The following HYAL4 variants were observed in gnomAD, a reference collection of about 807,000 sequenced individuals.
HYAL4 encodes the protein hyaluronidase 4, also known as hyaluronidase-4.
A neutral mutation model predicts 35.2 loss-of-function variants in HYAL4; 37 were observed. That is an observed-to-expected ratio of 1.05 (90% confidence interval 0.81 to 1.38). The LOEUF (loss-of-function observed/expected upper bound fraction) is 1.38, where lower values mean the gene tolerates loss of function less well. Among genes scored for constraint, HYAL4 ranks in the 40% most tolerant of loss-of-function variants. The probability of loss-of-function intolerance (pLI) is 0.00; values close to 1 mark genes in which losing one functional copy is unlikely to be tolerated. For missense variants in HYAL4, 572 were observed against 572.4 expected (o/e 1.00, Z 0.01); for synonymous variants, 198 against 203.2 (o/e 0.97, Z 0.22).
Position 123,868,704 on chromosome 7 carries a change from T to C in HYAL4, c.431T>C (p.Ile144Thr), listed in dbSNP as rs747022640. 34 of 1,613,708 alleles carry C rather than the reference T, an allele frequency of 2.1e-5. No homozygotes were observed. The Middle Eastern group carries it at 8.2e-4, about 39-fold the overall frequency. ...PAEDFSGLAV[I>T]DWEYWRPQWA... ...GAAGATTTCAGTGGACTTGCTGTTA[T>C]AGATTGGGAATATTGGCGACCACAG... Residue 144 changes from isoleucine to threonine, a missense_variant, in exon 3 of 5, where the codon ATA becomes ACA. Ile to Thr is a moderately conservative substitution (Grantham distance 89). Coordinates refer to ENST00000223026, the MANE Select transcript of HYAL4 (RefSeq NM_012269.3).
intron 3 of HYAL4, among the ~76,000 whole-genome samples, chr7:123,871,344 G>A (rs1003543324): frequency 6.6e-5 from 10 of 151,762 alleles, no homozygotes; most frequent in African/African-American, 1.2e-4. Context: ...TGCATGCGCC[G>A]CCATGCCCAG....
At chr7:123,805,579 A>G in the HYAL4 span, among the ~76,000 whole-genome samples, 5 of 152,192 alleles carry the variant, frequency 3.3e-5, no homozygotes, top group African/African-American at 1.2e-4. Flanking sequence ...GTCCCAGAAC[A>G]ACTACTAACA....
intron 2 of HYAL4, among the ~76,000 whole-genome samples, chr7:123,849,080 A>G (rs1001125786): frequency 6.6e-6 from 1 of 152,228 alleles, no homozygotes; most frequent in African/African-American, 2.4e-5. Context: ...TAAATCTTAA[A>G]TCATTCAACC....
At chr7:123,816,053 A>G in the HYAL4 span, among the ~76,000 whole-genome samples, 2 of 152,184 alleles carry the variant, frequency 1.3e-5, no homozygotes, top group African/African-American at 4.8e-5. Context: ...GAAGAATCTC[A>G]TGGGCACTAA....
chr7:123,860,603 T>C (rs866831576), intron 2 of HYAL4, among the ~76,000 whole-genome samples: 4 of 152,216 alleles, frequency 2.6e-5, no homozygotes, highest in African/African-American at 9.6e-5. Flanking sequence ...AGCATTCCAC[T>C]GTATACGAGG....
the HYAL4 span, among the ~76,000 whole-genome samples, chr7:123,773,143 G>A: frequency 2.6e-5 from 4 of 151,982 alleles, no homozygotes; most frequent in South Asian, 6.2e-4. Flanking sequence ...ATTCTTATTC[G>A]CACTTCGTTT....
chr7:123,816,131 A>G, the HYAL4 span, among the ~76,000 whole-genome samples: 26 of 152,290 alleles, frequency 1.7e-4, no homozygotes, highest in Middle Eastern at 0.01. Context: ...CACTTCTTAT[A>G]TTAGAAGGGA....
intron 1 of HYAL4, among the ~76,000 whole-genome samples, chr7:123,846,949 A>G (rs1456999385): frequency 6.6e-6 from 1 of 152,110 alleles, no homozygotes; most frequent in East Asian, 1.9e-4. Flanking sequence ...GGGGCAGACA[A>G]TCTCCATTTC....
chr7:123,865,697 T>G (rs989351915), intron 2 of HYAL4, among the ~76,000 whole-genome samples: 5 of 152,188 alleles, frequency 3.3e-5, no homozygotes, highest in African/African-American at 4.8e-5. Flanking sequence ...TACCATGAGG[T>G]TTGGCTGGTG....
At position 123,868,665 on chromosome 7, in the gene HYAL4, A is replaced by G. The variant is rs772656260; in HGVS notation, c.392A>G (p.Tyr131Cys). Reference sequence around the variant, plus strand: ...GAAAAAGCTGACCAAGATATTAATTATTACATCCCTGCTGAAGATTTCAGT... The same window carrying G: ...GAAAAAGCTGACCAAGATATTAATTGTTACATCCCTGCTGAAGATTTCAGT... ...HLEKADQDIN[Y>C]YIPAEDFSGL... The change falls in exon 3 of 5, where the codon TAT (tyrosine) becomes TGT (cysteine). Residue 131 changes from tyrosine (Y) to cysteine (C), a missense_variant. Tyr to Cys is a radical substitution (Grantham distance 194). Coordinates refer to ENST00000223026, the MANE Select transcript of HYAL4 (RefSeq NM_012269.3). 7 of 1,613,542 alleles carry G rather than the reference A, an allele frequency of 4.3e-6. No homozygotes were observed. The highest frequency in any genetic ancestry group is 3.3e-5 in the South Asian group (3 of 90,862).
chr7:123,872,852 T>C (rs182890312), intron 3 of HYAL4, among the ~76,000 whole-genome samples: 1 of 152,340 alleles, frequency 6.6e-6, no homozygotes, highest in Admixed American at 6.5e-5. Flanking sequence ...ATTTGAAAAC[T>C]AATTTGGAAG....
intron 3 of HYAL4, among the ~76,000 whole-genome samples, chr7:123,870,639 G>A (rs941332770): frequency 6.6e-6 from 1 of 151,818 alleles, no homozygotes; most frequent in Non-Finnish European, 1.5e-5. Context: ...GTGGGTACCT[G>A]TAATCCCAGC....
chr7:123,767,996 G>A, the HYAL4 span, among the ~76,000 whole-genome samples: 52,864 of 151,990 alleles, frequency 0.35, 9,403 homozygotes, highest in Middle Eastern at 0.43. Context: ...GACTGCTTAC[G>A]CTAAAAAAGT....
intron 3 of HYAL4, among the ~76,000 whole-genome samples, chr7:123,869,535 G>C (rs925859198): frequency 1.3e-5 from 2 of 152,144 alleles, no homozygotes; most frequent in African/African-American, 4.8e-5. Flanking sequence ...CATTTTGGAA[G>C]GTTATTGAAA....
the HYAL4 span, among the ~76,000 whole-genome samples, chr7:123,810,900 T>A: frequency 6.6e-6 from 1 of 152,218 alleles, no homozygotes; most frequent in African/African-American, 2.4e-5. Context: ...CAGAATGTCA[T>A]GTATAGTTGG....
the HYAL4 span, among the ~76,000 whole-genome samples, chr7:123,788,956 C>G: frequency 1.3e-5 from 2 of 152,274 alleles, no homozygotes; most frequent in South Asian, 4.1e-4. Context: ...ATATTCACCA[C>G]GAGACCACCA....
chr7:123,874,857 C>CAGTATCTT lies in HYAL4; in HGVS notation c.1044+8_1044+15dup. 1 of 1,475,992 alleles carries CAGTATCTT rather than the reference C, an allele frequency of 6.8e-7. No individual in the cohort carries two copies. The highest frequency in any genetic ancestry group is 9.5e-7 in the Non-Finnish European group (1 of 1,053,722). 91.4% of individuals were successfully genotyped at this position (1,475,992 alleles called of 1,614,324 possible). ...GAATTTAACTGCATCCAAGGTAAGTCAGTATCTTGAAGGTATATTTAATGT... is the reference window on the plus strand; with the variant it reads ...GAATTTAACTGCATCCAAGGTAAGTCAGTATCTTAGTATCTTGAAGGTATATTTAATGT... On this transcript the variant is annotated splice_region_variant and intron_variant, in intron 4 of 4. Transcript: ENST00000223026.
At chr7:123,826,537 T>A (rs1805804521), upstream of HYAL4, among the ~76,000 whole-genome samples, 1 of 152,176 alleles carries the variant, frequency 6.6e-6, no homozygotes, top group South Asian at 2.1e-4. Context: ...TATTAACACA[T>A]TTTAACATGT....
At chr7:123,849,036 A>G (rs1378038070) in intron 2 of HYAL4, among the ~76,000 whole-genome samples, 1 of 152,242 alleles carries the variant, frequency 6.6e-6, no homozygotes, top group Non-Finnish European at 1.5e-5. Flanking sequence ...TTTCCAGAAA[A>G]GAAGGAACAA....
Sources: allele counts gnomAD v4.1 joint callset (sites outside exome capture counted in the v4.1 genomes callset), GRCh38; gene constraint gnomAD v4.1.1; transcripts MANE v1.5; gene names NCBI Gene and HGNC (gene_info 2026-07-23, HGNC 2026-07-21).